Variants in ANKDD1A observed in about 807,000 individuals in gnomAD.
The protein encoded by ANKDD1A is ankyrin repeat and death domain containing 1A.
A neutral mutation model predicts 63.5 loss-of-function variants in ANKDD1A; 59 were observed. The ratio of observed to expected loss-of-function variants is 0.93; its 90% CI spans 0.75 to 1.15. ANKDD1A has a LOEUF of 1.15. Ranked by LOEUF, ANKDD1A falls within the 50% of genes most tolerant of loss-of-function variation. The probability of loss-of-function intolerance (pLI) is 0.00; values close to 1 mark genes in which losing one functional copy is unlikely to be tolerated. For missense variants in ANKDD1A, 632 were observed against 656.4 expected (o/e 0.96, Z 0.41); for synonymous variants, 266 against 263.9 (o/e 1.01, Z -0.08).
chr15:64,951,460 T>G, intron 14 of ANKDD1A: 1 of 31,468 alleles, frequency 3.2e-5, no homozygotes, highest in Non-Finnish European at 6.9e-5. Context: ...TTCTTTTCTT[T>G]TCTCTTTTTT....
At chr15:64,952,548 CTCCT>C (rs1379831558) in intron 14 of ANKDD1A, among the ~76,000 whole-genome samples, 1 of 139,950 alleles carries the variant, frequency 7.1e-6, no homozygotes, top group African/African-American at 2.6e-5. Flanking sequence ...CCTTCTCCTC[CTCCT>C]TCCTTCTCCT....
In ANKDD1A at chr15:64,943,973, G is replaced by A. The variant is rs78374206; in HGVS notation, c.1065+391G>A. ...CTTCCCAGCTCATTAGCACAGCTAC[G>A]TCCACAGGTGCTAGTGGTCTCAGAA... On this transcript the variant is annotated intron_variant, in intron 11 of 14. Coordinates refer to ENST00000319580, the MANE Select transcript of ANKDD1A (RefSeq NM_182703.6). Among the ~76,000 whole-genome samples the A allele has an allele frequency of 4.9e-3, 745 of 152,322 alleles. 11 individuals are homozygous for A. The highest frequency in any genetic ancestry group is 0.017 in the African/African-American group (714 of 41,572).
At chr15:64,931,012 C>T in intron 7 of ANKDD1A, 92 bp downstream of exon 7, 1 of 1,355,558 alleles carries the variant, frequency 7.4e-7, no homozygotes, top group Non-Finnish European at 1.0e-6. Context: ...AAGTCTAAAG[C>T]CAGAAGGCTG....
intron 3 of ANKDD1A, among the ~76,000 whole-genome samples, chr15:64,918,000 T>C (rs1407078931): frequency 1.3e-5 from 2 of 152,148 alleles, no homozygotes; most frequent in African/African-American, 4.8e-5. Flanking sequence ...TCTCTACAGG[T>C]TTGGGAAAAA....
rs1452845716 is a variant in ANKDD1A, at chr15:64,947,376, T to C, written c.1162-28T>C. 2.5e-6 allele frequency: 4 copies of C among 1,601,260 alleles called. No homozygotes were observed. The Middle Eastern group carries it at 5.0e-4, about 200-fold the overall frequency. ...CCTGTCTGGGATCATGAGGGAGAGC[T>C]TCTGCACTTTTGGGATCTGCCCCAC... is the stretch of plus-strand genomic sequence containing the variant. On this transcript the variant is annotated intron_variant, in intron 12 of 14. Transcript: ENST00000319580.
chr15:64,954,328 CCTT>C lies in ANKDD1A; in HGVS notation c.1484-2767_1484-2765del, dbSNP rs1566918634. The stretch of plus-strand genomic sequence containing the variant: ...CTCCTTCTCTTCCTTCTTAGTTCTT[CCTT>C]CTTCTTCCTCCTCTCCTTCTTCTCT... On this transcript the variant is annotated intron_variant, in intron 14 of 14. Coordinates refer to ENST00000319580, the MANE Select transcript of ANKDD1A (RefSeq NM_182703.6). Among the ~76,000 whole-genome samples the C allele has an allele frequency of 1.4e-3, 6 of 4,252 alleles. 1 individual carries two copies. Among genetic ancestry groups the C allele is most frequent in the East Asian group, 0.014 (1 of 72 alleles). 2.8% of individuals were successfully genotyped at this position (4,252 alleles called of 152,430 possible).
chr15:64,947,597 C>T lies in ANKDD1A; in HGVS notation c.1351+4C>T, dbSNP rs2085234169. ...GCCATCGAGCAACAGTGGACAGGTA[C>T]CACCTTGCCTCTCCTCGCCCTAAGC... On this transcript the variant is annotated splice_donor_region_variant and intron_variant, in intron 13 of 14. Transcript: ENST00000319580. 1.9e-6 allele frequency: 3 copies of T among 1,613,352 alleles called. No individual in the cohort carries two copies. In the East Asian group the frequency reaches 6.7e-5, roughly 36 times the overall value.
chr15:64,937,688 A>T (rs767826087), intron 9 of ANKDD1A, among the ~76,000 whole-genome samples: 12 of 152,186 alleles, frequency 7.9e-5, no homozygotes, highest in Middle Eastern at 3.2e-3. Context: ...AGATTGTGCC[A>T]CTGTACTCCA....
At chr15:64,912,039 G>C in intron 1 of ANKDD1A, 75 bp downstream of exon 1, 1 of 1,224,180 alleles carries the variant, frequency 8.2e-7, no homozygotes, top group Non-Finnish European at 1.0e-6. Context: ...GGAGTGCCAG[G>C]GGTGAGGTTG....
intron 3 of ANKDD1A, among the ~76,000 whole-genome samples, chr15:64,918,636 C>T (rs1038021848): frequency 6.6e-6 from 1 of 152,094 alleles, no homozygotes; most frequent in African/African-American, 2.4e-5. Context: ...CGAGGGAGAA[C>T]AGTAAGAGGG....
chr15:64,957,100 C>T lies in ANKDD1A; in HGVS notation c.1484-3C>T, dbSNP rs1018600306. 4.5e-6 allele frequency: 2 copies of T among 448,636 alleles called. No homozygotes were observed. Among genetic ancestry groups the T allele is most frequent in the African/African-American group, 4.1e-5 (2 of 49,276 alleles). The allele number at this position is 448,636 out of a possible 1,614,324, so 27.8% of individuals were successfully genotyped here. ...TTTGAGACAGTCTTGCTCTCTCACC[C>T]AGGCTGGAGTACAATGGCGAGATCT... is the stretch of plus-strand genomic sequence containing the variant. On this transcript the variant is annotated splice_region_variant and splice_polypyrimidine_tract_variant and intron_variant, in intron 14 of 14. Transcript: ENST00000319580.
chr15:64,918,398 G>A (rs1452416481), intron 3 of ANKDD1A, among the ~76,000 whole-genome samples: 1 of 152,198 alleles, frequency 6.6e-6, no homozygotes, highest in Non-Finnish European at 1.5e-5. Flanking sequence ...GGGTTGAGGT[G>A]AGGCAGCAAC....
chr15:64,915,760 C>T, intron 1 of ANKDD1A, 37 bp from the exon 2 acceptor site: 3 of 1,564,030 alleles, frequency 1.9e-6, no homozygotes, highest in Non-Finnish European at 2.6e-6. Flanking sequence ...TGTGGGGCAT[C>T]CTCCCCCTCA....
At chr15:64,939,901 A>C (rs916171963) in intron 9 of ANKDD1A, among the ~76,000 whole-genome samples, 8 of 152,320 alleles carry the variant, frequency 5.3e-5, no homozygotes, top group African/African-American at 1.9e-4. Context: ...AAAAAATATA[A>C]GGAGGAAAAT....
chr15:64,939,942 T>C (rs1052231927), intron 9 of ANKDD1A, among the ~76,000 whole-genome samples: 1 of 152,162 alleles, frequency 6.6e-6, no homozygotes, highest in African/African-American at 2.4e-5. Flanking sequence ...CAAAGAGTTC[T>C]TAGACTTGAC....
At chr15:64,935,913 A>G (rs2085128142) in intron 9 of ANKDD1A, among the ~76,000 whole-genome samples, 1 of 152,178 alleles carries the variant, frequency 6.6e-6, no homozygotes, top group African/African-American at 2.4e-5. Flanking sequence ...GACAATAACT[A>G]TCAAGCTGAA....
At chr15:64,923,216 GC>G (rs982204139) in intron 4 of ANKDD1A, among the ~76,000 whole-genome samples, 24 of 152,048 alleles carry the variant, frequency 1.6e-4, no homozygotes, top group Non-Finnish European at 3.1e-4. Flanking sequence ...GATGAAGGAG[GC>G]AGGGCTGGAG....
rs2085428297 is a variant in ANKDD1A, at chr15:64,957,462, T to TC, written c.*274_*275insC. 4 of 161,988 alleles carry TC rather than the reference T, an allele frequency of 2.5e-5. No homozygotes were observed. Among genetic ancestry groups the TC allele is most frequent in the Admixed American group, 6.3e-5 (1 of 15,984 alleles). The allele number at this position is 161,988 out of a possible 1,614,324, so 10.0% of individuals were successfully genotyped here. On this transcript the variant is annotated 3_prime_UTR_variant, in exon 15 of 15. Transcript: ENST00000319580. ...AATTATTTTCAGTTTTCCAAAATTC[T>TC]ATCTTTAAACCTAAATAATTCAATT...
Position 64,957,462 on chromosome 15 carries a change from T to TATC in ANKDD1A, c.*275_*277dup, listed in dbSNP as rs112969651. On this transcript the variant is annotated 3_prime_UTR_variant, in exon 15 of 15. Transcript: ENST00000319580. The stretch of plus-strand genomic sequence containing the variant: ...AATTATTTTCAGTTTTCCAAAATTC[T>TATC]ATCTTTAAACCTAAATAATTCAATT... 80,615 of 162,020 alleles carry TATC rather than the reference T, an allele frequency of 0.5. 21,567 individuals carry two copies. Among genetic ancestry groups the TATC allele is most frequent in the East Asian group, 0.82 (4,284 of 5,218 alleles). 10.0% of individuals were successfully genotyped at this position (162,020 alleles called of 1,614,324 possible). A position where few individuals can be genotyped will look rare whatever the true frequency, so the allele number is the denominator to read the frequency against.
Sources: gnomAD v4.1 joint callset for allele counts (sites outside exome capture counted in the v4.1 genomes callset) on GRCh38, gnomAD v4.1.1 for gene constraint, MANE v1.5 for transcripts, NCBI Gene and HGNC (gene_info 2026-07-23, HGNC 2026-07-21) for gene names.